The following TMEM266 variants were observed in gnomAD, a reference collection of about 807,000 sequenced individuals.
TMEM266 encodes the protein transmembrane protein 266.
A neutral mutation model predicts 50.5 loss-of-function variants in TMEM266; 33 were observed. The ratio of observed to expected loss-of-function variants is 0.65; its 90% CI spans 0.50 to 0.87. The LOEUF (loss-of-function observed/expected upper bound fraction) is 0.87, where lower values mean the gene tolerates loss of function less well. Ranked by LOEUF, TMEM266 falls within the 40% of genes least tolerant of loss-of-function variation. The pLI is 0.00. For synonymous variants in TMEM266, 310 were observed against 292.3 expected (o/e 1.06, Z -0.62); for missense variants, 655 against 695.1 (o/e 0.94, Z 0.65).
intron 5 of TMEM266, among the ~76,000 whole-genome samples, chr15:76,162,210 A>AG (rs1372996152): frequency 6.6e-6 from 1 of 151,588 alleles, no homozygotes; most frequent in African/African-American, 2.4e-5. Flanking sequence ...AAAGATGGTG[A>AG]GGGGGTGGAG....
At chr15:76,203,367 G>A (rs1332031166) in intron 10 of TMEM266, among the ~76,000 whole-genome samples, 1 of 152,138 alleles carries the variant, frequency 6.6e-6, no homozygotes. Context: ...CTCTGCTCCT[G>A]GGTCATCACT....
intron 3 of TMEM266, among the ~76,000 whole-genome samples, chr15:76,138,463 A>G (rs1381596264): frequency 6.6e-6 from 1 of 152,170 alleles, no homozygotes; most frequent in African/African-American, 2.4e-5. Context: ...GCACTCCTTA[A>G]TGACCCATCC....
At chr15:76,088,103 A>G (rs934119766) in intron 1 of TMEM266, among the ~76,000 whole-genome samples, 2 of 152,154 alleles carry the variant, frequency 1.3e-5, no homozygotes, top group African/African-American at 4.8e-5. Flanking sequence ...TCCTGAACAT[A>G]ATCTTTCCCC....
At chr15:76,165,939 G>A (rs958331251) in intron 5 of TMEM266, among the ~76,000 whole-genome samples, 2 of 152,250 alleles carry the variant, frequency 1.3e-5, no homozygotes, top group Admixed American at 1.3e-4. Context: ...CGGGTGCTCC[G>A]GGGGAGTTTG....
intron 5 of TMEM266, among the ~76,000 whole-genome samples, chr15:76,164,690 G>C (rs1293837144): frequency 6.6e-6 from 1 of 152,208 alleles, no homozygotes; most frequent in East Asian, 1.9e-4. Context: ...GAAGTGCCAG[G>C]GGTCAGCCAG....
chr15:76,183,258 G>A (rs1399482867), intron 8 of TMEM266, among the ~76,000 whole-genome samples: 2 of 151,782 alleles, frequency 1.3e-5, no homozygotes, highest in Non-Finnish European at 2.9e-5. Context: ...TGGGATTACA[G>A]GCATGTGTCA....
chr15:76,081,328 G>A (rs1037899703), intron 1 of TMEM266, among the ~76,000 whole-genome samples: 1 of 152,184 alleles, frequency 6.6e-6, no homozygotes, highest in Non-Finnish European at 1.5e-5. Flanking sequence ...AGAGGATAAT[G>A]TGTTCTCTGC....
At chr15:76,146,358 A>T (rs1212358475) in intron 3 of TMEM266, among the ~76,000 whole-genome samples, 1 of 152,200 alleles carries the variant, frequency 6.6e-6, no homozygotes, top group Non-Finnish European at 1.5e-5. Context: ...ATAAAGTAAG[A>T]AATGAAAGAT....
chr15:76,082,515 C>T (rs758112121), intron 1 of TMEM266, among the ~76,000 whole-genome samples: 2 of 152,138 alleles, frequency 1.3e-5, no homozygotes, highest in Non-Finnish European at 2.9e-5. Context: ...GTTATTGGAG[C>T]ACAGAATTGC....
At position 76,168,763 on chromosome 15, in the gene TMEM266, G is replaced by A. The variant is rs2038138423; in HGVS notation, c.457-1053G>A. On this transcript the variant is annotated intron_variant, in intron 5 of 10. Coordinates refer to ENST00000388942, the MANE Select transcript of TMEM266 (RefSeq NM_152335.3). This position sits in a 1 kb window ranked among gnomAD's most constrained non-coding sequence, Gnocchi z 4.4. Reference sequence around the variant, plus strand: ...TTGAGCCTCCACTGGGGGATGGGGAGGGAATCAGCACAAGGTACAAGGCAG... The same window carrying A: ...TTGAGCCTCCACTGGGGGATGGGGAAGGAATCAGCACAAGGTACAAGGCAG... Among the ~76,000 whole-genome samples the A allele has an allele frequency of 6.6e-6, 1 of 152,234 alleles. No individual in the cohort carries two copies. Among genetic ancestry groups the A allele is most frequent in the Admixed American group, 6.5e-5 (1 of 15,288 alleles).
At chr15:76,096,766 C>A (rs886268608) in intron 1 of TMEM266, among the ~76,000 whole-genome samples, 2 of 151,976 alleles carry the variant, frequency 1.3e-5, no homozygotes, top group Admixed American at 6.5e-5. Flanking sequence ...TCTCTAAGAA[C>A]TTGCTTTATG....
intron 1 of TMEM266, among the ~76,000 whole-genome samples, chr15:76,075,700 G>A (rs1454397430): frequency 6.6e-6 from 1 of 151,920 alleles, no homozygotes; most frequent in Non-Finnish European, 1.5e-5. Flanking sequence ...TTTAAAATAG[G>A]TTAGGAGTCC....
chr15:76,081,163 G>A (rs766487405), intron 1 of TMEM266, among the ~76,000 whole-genome samples: 14 of 152,306 alleles, frequency 9.2e-5, no homozygotes, highest in Admixed American at 5.2e-4. Context: ...CCATCTTGGC[G>A]TTCGTGTACC....
intron 1 of TMEM266, among the ~76,000 whole-genome samples, chr15:76,081,706 G>T (rs1053229937): frequency 6.6e-6 from 1 of 152,196 alleles, no homozygotes; most frequent in African/African-American, 2.4e-5. Flanking sequence ...GGAGGTTGTT[G>T]TGAAAATCTG....
At chr15:76,064,601 C>T (rs1477871439) in intron 1 of TMEM266, among the ~76,000 whole-genome samples, 1 of 152,152 alleles carries the variant, frequency 6.6e-6, no homozygotes, top group Non-Finnish European at 1.5e-5. Context: ...TTAATTGCTG[C>T]CCTAGGCAGT....
At chr15:76,134,356 C>T (rs947910324) in intron 2 of TMEM266, 55 bp downstream of exon 2, 4 of 1,568,834 alleles carry the variant, frequency 2.5e-6, no homozygotes, top group African/African-American at 1.4e-5. Context: ...ATAAATCTCC[C>T]AGAAGATGAA....
At position 76,168,252 on chromosome 15, in the gene TMEM266, A is replaced by G. The variant is rs1015197221; in HGVS notation, c.457-1564A>G. The stretch of plus-strand genomic sequence containing the variant: ...AGCGGAGCGGACTTCGGGCTGCCAC[A>G]TGCTCCTCTCTCTACTCAGAGAAGG... On this transcript the variant is annotated intron_variant, in intron 5 of 10. Transcript: ENST00000388942. This position sits in a 1 kb window ranked among gnomAD's most constrained non-coding sequence, Gnocchi z 4.4. 1.1e-4 allele frequency among the ~76,000 whole-genome samples: 17 copies of G among 152,164 alleles called. No individual in the cohort carries two copies. The highest frequency in any genetic ancestry group is 1.3e-4 in the Admixed American group (2 of 15,288).
chr15:76,195,260 C>A (rs2038637283), intron 9 of TMEM266, among the ~76,000 whole-genome samples: 1 of 152,192 alleles, frequency 6.6e-6, no homozygotes, highest in Admixed American at 6.5e-5. Context: ...TACTTCAGGG[C>A]CTGCCTCAGT....
chr15:76,174,322 G>A (rs868152693), intron 7 of TMEM266, among the ~76,000 whole-genome samples: 2 of 151,986 alleles, frequency 1.3e-5, no homozygotes, highest in African/African-American at 2.4e-5. Context: ...AGGCTGAGGC[G>A]GGTGGATCAC....
Sources: gnomAD v4.1 joint callset for allele counts (sites outside exome capture counted in the v4.1 genomes callset) on GRCh38, gnomAD v4.1.1 for gene constraint, Gnocchi (gnomAD v3.1) non-coding constraint, MANE v1.5 for transcripts, NCBI Gene and HGNC (gene_info 2026-07-23, HGNC 2026-07-21) for gene names.